MYO10: variants seen among roughly 807,000 people sequenced by gnomAD.
MYO10 encodes unconventional myosin-X.
A neutral mutation model predicts 257.3 loss-of-function variants in MYO10; 133 were observed. The observed-to-expected ratio is 0.52, with a 90% confidence interval of 0.45 to 0.60. The LOEUF (loss-of-function observed/expected upper bound fraction) is 0.60. Ranked by LOEUF, MYO10 falls within the 20% of genes least tolerant of loss-of-function variation. The pLI is 0.00. For missense variants in MYO10, 2,399 were observed against 2,635.7 expected (o/e 0.91, Z 1.97); for synonymous variants, 1,104 against 1,028.6 (o/e 1.07, Z -1.40).
At chr5:16,920,140 G>A (rs1745941518) in intron 1 of MYO10, among the ~76,000 whole-genome samples, 1 of 152,046 alleles carries the variant, frequency 6.6e-6, no homozygotes, top group South Asian at 2.1e-4. Context: ...TGGGCTTGGT[G>A]GCACATGCCT....
chr5:16,923,733 C>T (rs1488551980), intron 1 of MYO10, among the ~76,000 whole-genome samples: 3 of 151,596 alleles, frequency 2.0e-5, no homozygotes, highest in Admixed American at 6.6e-5. Context: ...TGAACCACCA[C>T]GACATAGTAA....
chr5:16,697,271 GA>G (rs551784592), intron 26 of MYO10, among the ~76,000 whole-genome samples: 3 of 151,816 alleles, frequency 2.0e-5, no homozygotes, highest in African/African-American at 7.3e-5. Flanking sequence ...AGCAAAAAAG[GA>G]ATCCAGCAAA....
intron 11 of MYO10, 87 bp downstream of exon 11, chr5:16,765,993 T>C: frequency 3.3e-6 from 3 of 900,564 alleles, no homozygotes; most frequent in South Asian, 2.9e-5. Flanking sequence ...ACAACTGTTA[T>C]TATAATTACA....
At chr5:16,724,409 C>A (rs1193940146) in intron 19 of MYO10, among the ~76,000 whole-genome samples, 2 of 152,158 alleles carry the variant, frequency 1.3e-5, no homozygotes, top group African/African-American at 2.4e-5. Flanking sequence ...CCATTCTGTC[C>A]AACTGGATTT....
At chr5:16,763,418 T>C in intron 14 of MYO10, 63 bp downstream of exon 14, 1 of 1,306,742 alleles carries the variant, frequency 7.7e-7, no homozygotes, top group Non-Finnish European at 1.1e-6. Flanking sequence ...TTTGTTCCCA[T>C]AAATATGAAT....
At chr5:16,874,124 G>A (rs1744524822) in intron 2 of MYO10, among the ~76,000 whole-genome samples, 1 of 152,004 alleles carries the variant, frequency 6.6e-6, no homozygotes, top group Non-Finnish European at 1.5e-5. Flanking sequence ...CACAAGGTCA[G>A]CAGATCGAGA....
At chr5:16,786,582 A>C (rs567727626) in intron 4 of MYO10, among the ~76,000 whole-genome samples, 1 of 152,294 alleles carries the variant, frequency 6.6e-6, no homozygotes, top group African/African-American at 2.4e-5. Flanking sequence ...ATTCAATAGA[A>C]ATGTTCTTTG....
intron 21 of MYO10, among the ~76,000 whole-genome samples, chr5:16,708,695 G>A (rs1738457825): frequency 6.6e-6 from 1 of 152,180 alleles, no homozygotes; most frequent in Non-Finnish European, 1.5e-5. Context: ...GCGAGTAGCT[G>A]GGACTATAGG....
chr5:16,858,112 A>G (rs17651415), intron 2 of MYO10, among the ~76,000 whole-genome samples: 21,591 of 152,212 alleles, frequency 0.14, 1,764 homozygotes, highest in East Asian at 0.27. Context: ...ACAAGACGCT[A>G]CCTGCTGTGA....
intron 3 of MYO10, among the ~76,000 whole-genome samples, chr5:16,813,391 G>A (rs1288293086): frequency 6.6e-6 from 1 of 151,922 alleles, no homozygotes; most frequent in African/African-American, 2.4e-5. Context: ...TTAACCAAGT[G>A]CAGTGGCTCA....
intron 2 of MYO10, among the ~76,000 whole-genome samples, chr5:16,865,355 C>T (rs1744214332): frequency 6.6e-6 from 1 of 152,168 alleles, no homozygotes; most frequent in Non-Finnish European, 1.5e-5. Context: ...AGCGGTCTGG[C>T]ATCCTCAGCA....
chr5:16,892,646 CACAAACAA>C (rs541123622), intron 1 of MYO10, among the ~76,000 whole-genome samples: 3 of 151,616 alleles, frequency 2.0e-5, no homozygotes, highest in African/African-American at 7.3e-5. Flanking sequence ...CTATCTCAAA[CACAAACAA>C]ACAAACAAAA....
At chr5:16,796,583 T>C (rs1741980807) in intron 3 of MYO10, among the ~76,000 whole-genome samples, 1 of 152,200 alleles carries the variant, frequency 6.6e-6, no homozygotes, top group Non-Finnish European at 1.5e-5. Context: ...TATTCACTTC[T>C]ACTTTTACAG....
rs1402582621 is a variant in MYO10 at position 16,663,325 on chromosome 5, GTTGTTTTTTTTTTTTTT to G, written c.*3350_*3366del. ...GGAAAAAAGTAACATTTTACTTCTA[GTTGTTTTTTTTTTTTTT>G]TTTTTTTTTTTTTTTTTTTTTTTTT... On this transcript the variant is annotated 3_prime_UTR_variant, in exon 41 of 41. Transcript: ENST00000513610. The G allele has an allele frequency of 9.7e-5, 4 of 41,322 alleles. No individual in the cohort carries two copies. The highest frequency in any genetic ancestry group is 7.7e-4 in the South Asian group (1 of 1,306). The allele number at this position is 41,322 out of a possible 1,614,324, so 2.6% of individuals were successfully genotyped here.
chr5:16,746,885 A>G (rs2126636388), intron 19 of MYO10, among the ~76,000 whole-genome samples: 1 of 152,340 alleles, frequency 6.6e-6, no homozygotes, highest in African/African-American at 2.4e-5. Context: ...GACAGAGTGA[A>G]TAGTCTATAA....
chr5:16,747,445 C>T (rs1312656502), intron 19 of MYO10, among the ~76,000 whole-genome samples: 1 of 152,198 alleles, frequency 6.6e-6, no homozygotes, highest in Non-Finnish European at 1.5e-5. Context: ...CTCAACGTTA[C>T]TGAGCACCTA....
chr5:16,683,831 C>T (rs768263828), intron 30 of MYO10, 49 bp downstream of exon 30: 25 of 1,555,604 alleles, frequency 1.6e-5, no homozygotes, highest in Non-Finnish European at 1.9e-5. Context: ...CACCTGTGGA[C>T]ACACACAGGT....
At chr5:16,726,822 G>C (rs932812897) in intron 19 of MYO10, among the ~76,000 whole-genome samples, 1 of 152,216 alleles carries the variant, frequency 6.6e-6, no homozygotes, top group Non-Finnish European at 1.5e-5. Context: ...GTGAGGGCTT[G>C]TAAACCACAG....
intron 1 of MYO10, among the ~76,000 whole-genome samples, chr5:16,923,952 A>C (rs920225879): frequency 6.6e-6 from 1 of 152,134 alleles, no homozygotes; most frequent in African/African-American, 2.4e-5. Context: ...TAGCCAGGCA[A>C]GGTGGCACAG....
Sources: gnomAD v4.1 joint callset for allele counts (sites outside exome capture counted in the v4.1 genomes callset) on GRCh38, gnomAD v4.1.1 for gene constraint, MANE v1.5 for transcripts, NCBI Gene and HGNC (gene_info 2026-07-23, HGNC 2026-07-21) for gene names.